The following LAMA1 variants were observed in gnomAD, a reference collection of about 807,000 sequenced individuals.
LAMA1 encodes laminin subunit alpha-1.
Under a neutral mutation model 348.7 loss-of-function variants are expected in LAMA1, and 219 were observed. The ratio of observed to expected loss-of-function variants is 0.63; its 90% confidence interval spans 0.56 to 0.70. The LOEUF is 0.70. LAMA1 is among the 30% of genes least tolerant of loss of function. The pLI is 0.00. For synonymous variants in LAMA1, 1,487 were observed against 1,491.0 expected (o/e 1.00, Z 0.06); for missense variants, 3,744 against 3,888.0 (o/e 0.96, Z 0.99).
chr18:7,117,706 C>T lies in LAMA1; in HGVS notation c.15G>A (p.Val5=). Residue 5 remains valine (V), a synonymous_variant, in exon 1 of 63, where the codon GTG becomes GTA. Coordinates refer to ENST00000389658, the MANE Select transcript of LAMA1 (RefSeq NM_005559.4). ...CGACACACAGCAGCAAGACCAGGAG[C>T]ACGCCCCCGCGCATCTCGCCTCCGC... The part of the protein sequence containing the change: MRGG[V]LLVLLLCVAA... The T allele has an allele frequency of 6.3e-7, 1 of 1,598,270 alleles. No individual in the cohort carries two copies.
At position 6,985,400 on chromosome 18, in the gene LAMA1, G is replaced by A; in HGVS notation, c.5497C>T (p.His1833Tyr). The A allele has an allele frequency of 6.2e-7, 1 of 1,614,080 alleles. No individual in the cohort carries two copies. Among genetic ancestry groups the A allele is most frequent in the Admixed American group, 1.7e-5 (1 of 60,030 alleles). The part of the protein sequence containing the change: ...QTDAVQDALE[H>Y]LEDHQDKLLL... ...AGCTTATCCTGGTGATCCTCTAAGT[G>A]CTACATGGAGAAATTAATATTGTAA... The change falls in exon 39 of 63, where the codon CAC (histidine) becomes TAC (tyrosine). Residue 1833 changes from histidine to tyrosine, a missense_variant and splice_region_variant. Around this residue, in one of 3 missense-constraint regions of LAMA1, gnomAD observed 1,983 missense variants for 1,934.3 expected, o/e 1.03. Transcript: ENST00000389658.
At chr18:7,066,105 G>A (rs1046589788) in intron 3 of LAMA1, among the ~76,000 whole-genome samples, 1 of 152,172 alleles carries the variant, frequency 6.6e-6, no homozygotes, top group East Asian at 1.9e-4. Flanking sequence ...AAAAGGTAGT[G>A]ATAGGTGAGT....
At chr18:7,115,726 T>C (rs913533135) in intron 1 of LAMA1, among the ~76,000 whole-genome samples, 7 of 148,772 alleles carry the variant, frequency 4.7e-5, no homozygotes, top group Non-Finnish European at 8.9e-5. Flanking sequence ...AACCCAGCAC[T>C]TTGGGAGGCC....
Position 7,018,322 on chromosome 18 carries a change from G to A in LAMA1, c.2702-938C>T, listed in dbSNP as rs1410895491. Reference sequence around the variant, plus strand: ...CTGCATTCTAGCCTGAGCGACAAGTGTGAAACTCCATCTCAAAAAAAAAAA... The same window carrying A: ...CTGCATTCTAGCCTGAGCGACAAGTATGAAACTCCATCTCAAAAAAAAAAA... On this transcript the variant is annotated intron_variant, in intron 19 of 62. Transcript: ENST00000389658. Among the ~76,000 whole-genome samples the A allele has an allele frequency of 2.6e-4, 22 of 83,552 alleles. No homozygotes were observed. In the Admixed American group the frequency reaches 3.0e-3, roughly 11 times the overall value. 54.8% of individuals were successfully genotyped at this position (83,552 alleles called of 152,430 possible).
At chr18:6,979,255 C>T (rs2057697312) in intron 42 of LAMA1, among the ~76,000 whole-genome samples, 1 of 152,126 alleles carries the variant, frequency 6.6e-6, no homozygotes, top group African/African-American at 2.4e-5. Flanking sequence ...AGAAGTAAGC[C>T]CAATGCAGCA....
At chr18:7,090,140 C>T (rs575007581) in intron 1 of LAMA1, among the ~76,000 whole-genome samples, 3 of 152,198 alleles carry the variant, frequency 2.0e-5, no homozygotes, top group East Asian at 1.9e-4. Context: ...AACAGGAGTC[C>T]CCTGCTTAAA....
At chr18:7,003,032 C>T (rs2057815010) in intron 29 of LAMA1, among the ~76,000 whole-genome samples, 1 of 151,940 alleles carries the variant, frequency 6.6e-6, no homozygotes, top group African/African-American at 2.4e-5. Context: ...AGGCACACGC[C>T]ACCATGTTTG....
At chr18:6,977,235 C>T (rs2057686717) in intron 44 of LAMA1, among the ~76,000 whole-genome samples, 1 of 152,198 alleles carries the variant, frequency 6.6e-6, no homozygotes, top group Non-Finnish European at 1.5e-5. Context: ...CATTTAGTGA[C>T]CTGGATTTGT....
intron 60 of LAMA1, among the ~76,000 whole-genome samples, chr18:6,948,066 T>C (rs2057530142): frequency 6.6e-6 from 1 of 152,206 alleles, no homozygotes; most frequent in Non-Finnish European, 1.5e-5. Context: ...CTAGACATTT[T>C]ATGCTGCTGA....
intron 39 of LAMA1, 38 bp downstream of exon 39, chr18:6,985,199 C>T: frequency 1.2e-6 from 2 of 1,612,040 alleles, no homozygotes; most frequent in Non-Finnish European, 8.5e-7. Flanking sequence ...GATCAATAGA[C>T]TGCAAGCTCT....
At chr18:7,103,999 G>A (rs2058301854) in intron 1 of LAMA1, among the ~76,000 whole-genome samples, 1 of 151,902 alleles carries the variant, frequency 6.6e-6, no homozygotes, top group African/African-American at 2.4e-5. Context: ...TTTTTGTTTT[G>A]AGATGGAGTC....
At chr18:7,050,505 G>T (rs1231188096) in intron 4 of LAMA1, among the ~76,000 whole-genome samples, 189 bp downstream of exon 4, 1 of 152,220 alleles carries the variant, frequency 6.6e-6, no homozygotes, top group African/African-American at 2.4e-5. Context: ...CCTCCTTGAA[G>T]AGAGGAAGTC....
chr18:6,992,633 C>A lies in LAMA1; in HGVS notation c.5096G>T (p.Gly1699Val), dbSNP rs750875418. ...CTGCATGATTTCTAGCAAAGATGTA[C>A]CATTCTGTTGCATGTTCTGAAGAGT... ...NSTLQNMQQN[G>V]TSLLEIMQIR... Residue 1699 changes from glycine to valine, a missense_variant, in exon 36 of 63, where the codon GGT (glycine) becomes GTT (valine). By Grantham distance (109) the Gly-to-Val change is moderately radical (BLOSUM62 -3). This residue lies in a region of LAMA1 where 1,983 missense variants were observed against 1,934.3 expected (regional missense o/e 1.03). Transcript: ENST00000389658. 1.2e-5 allele frequency: 20 copies of A among 1,613,660 alleles called. No individual in the cohort carries two copies. The South Asian group carries it at 2.0e-4, about 16-fold the overall frequency.
intron 61 of LAMA1, among the ~76,000 whole-genome samples, chr18:6,946,276 C>T (rs545087318): frequency 3.9e-5 from 6 of 152,124 alleles, no homozygotes; most frequent in African/African-American, 1.2e-4. Flanking sequence ...CATAAGGATA[C>T]CTACTGCGTT....
At chr18:7,075,935 TAAA>T (rs34722026) in intron 3 of LAMA1, among the ~76,000 whole-genome samples, 3 of 145,242 alleles carry the variant, frequency 2.1e-5, no homozygotes, top group Non-Finnish European at 3.0e-5. Context: ...AGGCTCCATT[TAAA>T]AAAAAAAAAA....
chr18:6,980,420 TAA>T (rs1214789452), intron 42 of LAMA1, 99 bp downstream of exon 42: 4 of 838,734 alleles, frequency 4.8e-6, no homozygotes, highest in Non-Finnish European at 8.2e-6. Context: ...ATTTTTGAGC[TAA>T]AGCCTTTATC....
At chr18:7,004,136 G>A (rs1389051108) in intron 29 of LAMA1, among the ~76,000 whole-genome samples, 11 of 152,152 alleles carry the variant, frequency 7.2e-5, no homozygotes. Context: ...AAGAGTGGCA[G>A]GGAAACAAGG....
intron 57 of LAMA1, among the ~76,000 whole-genome samples, chr18:6,953,276 C>T (rs548361006): frequency 1.2e-4 from 18 of 152,394 alleles, no homozygotes; most frequent in Middle Eastern, 3.4e-3. Context: ...GTTCGCAGAT[C>T]GACTGTGGCA....
At chr18:6,978,930 C>T (rs772253122) in intron 42 of LAMA1, among the ~76,000 whole-genome samples, 7 of 152,132 alleles carry the variant, frequency 4.6e-5, no homozygotes, top group African/African-American at 1.7e-4. Flanking sequence ...CAGAATAAAG[C>T]CCAAACAGCC....
Sources: allele counts gnomAD v4.1 joint callset (sites outside exome capture counted in the v4.1 genomes callset), GRCh38; gene constraint gnomAD v4.1.1; regional missense constraint gnomAD v4.1.1; transcripts MANE v1.5; gene names NCBI Gene and HGNC (gene_info 2026-07-23, HGNC 2026-07-21).